SLC25A13: variants seen among roughly 807,000 people sequenced by gnomAD.
The protein encoded by SLC25A13 is solute carrier family 25 member 13.
Under a neutral mutation model 85.5 loss-of-function variants are expected in SLC25A13, and 70 were observed. That is an observed-to-expected ratio of 0.82 (90% CI 0.68 to 1.00). The LOEUF (loss-of-function observed/expected upper bound fraction) is 1.00, where lower values mean the gene tolerates loss of function less well. SLC25A13 is among the 50% of genes least tolerant of loss of function. The pLI is 0.00. For synonymous variants in SLC25A13, 259 were observed against 288.7 expected (o/e 0.90, Z 1.04); for missense variants, 765 against 819.8 (o/e 0.93, Z 0.82).
chr7:96,226,458 T>C (rs1445367579), intron 4 of SLC25A13, among the ~76,000 whole-genome samples: 3 of 152,160 alleles, frequency 2.0e-5, no homozygotes, highest in Non-Finnish European at 4.4e-5. Context: ...GCGATGAACA[T>C]GAGAGTTCTG....
intron 2 of SLC25A13, among the ~76,000 whole-genome samples, chr7:96,289,147 G>A (rs1040689864): frequency 2.6e-5 from 4 of 152,188 alleles, no homozygotes; most frequent in Non-Finnish European, 5.9e-5. Context: ...AGGCAAACAG[G>A]GTCTGGTGTG....
intron 5 of SLC25A13, among the ~76,000 whole-genome samples, chr7:96,207,848 C>A (rs940116795): frequency 1.3e-5 from 2 of 152,022 alleles, no homozygotes; most frequent in Non-Finnish European, 2.9e-5. Flanking sequence ...GGAAAGTGCA[C>A]CCCAGAAATG....
intron 1 of SLC25A13, chr7:96,307,018 T>G: frequency 1.3e-6 from 1 of 794,234 alleles, no homozygotes; most frequent in Non-Finnish European, 2.0e-6. Flanking sequence ...GGGTCCCTTT[T>G]GTACTTCCTT....
intron 3 of SLC25A13, among the ~76,000 whole-genome samples, chr7:96,272,948 C>T (rs537577539): frequency 6.6e-6 from 1 of 152,244 alleles, no homozygotes; most frequent in East Asian, 1.9e-4. Context: ...AGAAAATATC[C>T]ATGTGATCTT....
chr7:96,304,004 T>C (rs143784053), intron 1 of SLC25A13, among the ~76,000 whole-genome samples: 16 of 152,222 alleles, frequency 1.1e-4, no homozygotes, highest in African/African-American at 3.4e-4. Flanking sequence ...CAATCAGTAA[T>C]TGCAAAAGAA....
At chr7:96,178,177 G>A (rs904657166) in intron 11 of SLC25A13, among the ~76,000 whole-genome samples, 15 of 152,212 alleles carry the variant, frequency 9.9e-5, no homozygotes, top group African/African-American at 3.6e-4. Context: ...GAACCAGTGA[G>A]AGCAGGAATA....
chr7:96,129,522 T>C (rs969848539), intron 15 of SLC25A13, among the ~76,000 whole-genome samples: 2 of 152,160 alleles, frequency 1.3e-5, no homozygotes, highest in Non-Finnish European at 2.9e-5. Context: ...TATTTAAAAT[T>C]TTTTGGAAAA....
intron 1 of SLC25A13, among the ~76,000 whole-genome samples, chr7:96,304,323 C>T (rs1799660595): frequency 1.3e-5 from 2 of 152,194 alleles, no homozygotes; most frequent in Admixed American, 1.3e-4. Context: ...TGTTAACCCA[C>T]TGGGTAATTA....
At chr7:96,318,190 T>C (rs993985285) in intron 1 of SLC25A13, among the ~76,000 whole-genome samples, 1 of 152,206 alleles carries the variant, frequency 6.6e-6, no homozygotes, top group African/African-American at 2.4e-5. Flanking sequence ...GTGTTCAGTT[T>C]TACCCCAGAA....
chr7:96,233,189 A>T (rs947120973), intron 4 of SLC25A13, among the ~76,000 whole-genome samples: 5 of 152,210 alleles, frequency 3.3e-5, no homozygotes, highest in African/African-American at 1.2e-4. Context: ...GGAGGACAAG[A>T]CAGAACACAC....
At chr7:96,148,157 T>C (rs1459486900) in intron 13 of SLC25A13, among the ~76,000 whole-genome samples, 1 of 152,236 alleles carries the variant, frequency 6.6e-6, no homozygotes, top group Non-Finnish European at 1.5e-5. Context: ...GCAAATGAAT[T>C]TTTTGTTTGG....
chr7:96,304,674 C>T (rs980581007), intron 1 of SLC25A13, among the ~76,000 whole-genome samples: 1 of 152,200 alleles, frequency 6.6e-6, no homozygotes, highest in Non-Finnish European at 1.5e-5. Context: ...AAGAAATCCT[C>T]TTGGGGGCCA....
At chr7:96,208,638 T>G (rs1584457739) in intron 5 of SLC25A13, among the ~76,000 whole-genome samples, 200 bp downstream of exon 5, 1 of 151,958 alleles carries the variant, frequency 6.6e-6, no homozygotes, top group South Asian at 2.1e-4. Flanking sequence ...CCCAAGTAGC[T>G]GGGACCACAG....
At chr7:96,149,122 T>C (rs933986050) in intron 13 of SLC25A13, among the ~76,000 whole-genome samples, 7 of 152,220 alleles carry the variant, frequency 4.6e-5, no homozygotes, top group Non-Finnish European at 8.8e-5. Context: ...CCATGTGCAG[T>C]GAGGCTGAGA....
intron 14 of SLC25A13, among the ~76,000 whole-genome samples, chr7:96,134,813 A>ATAT (rs1554337551): frequency 7.0e-6 from 1 of 143,032 alleles, no homozygotes; most frequent in African/African-American, 2.7e-5. Context: ...ATATATATAT[A>ATAT]ACCCTGAGGA....
At chr7:96,163,981 C>A (rs895937063) in intron 13 of SLC25A13, among the ~76,000 whole-genome samples, 1 of 152,124 alleles carries the variant, frequency 6.6e-6, no homozygotes, top group South Asian at 2.1e-4. Flanking sequence ...TGATTTAATT[C>A]TTTCATACAT....
intron 4 of SLC25A13, among the ~76,000 whole-genome samples, chr7:96,215,723 A>C (rs1479992176): frequency 1.3e-5 from 2 of 152,174 alleles, no homozygotes; most frequent in Non-Finnish European, 2.9e-5. Flanking sequence ...AAAATTTTAG[A>C]AAAAAATATA....
chr7:96,248,259 T>C (rs1797279112), intron 3 of SLC25A13, among the ~76,000 whole-genome samples: 1 of 152,090 alleles, frequency 6.6e-6, no homozygotes, highest in South Asian at 2.1e-4. Context: ...AGAAAATGAA[T>C]CATCAAATGG....
At chr7:96,245,149 A>G (rs555017684) in intron 3 of SLC25A13, among the ~76,000 whole-genome samples, 26 of 152,280 alleles carry the variant, frequency 1.7e-4, no homozygotes, top group Admixed American at 1.7e-3. Flanking sequence ...TCTCTTTCTT[A>G]TAAGATGGAT....
Sources: gnomAD v4.1 joint callset for allele counts (sites outside exome capture counted in the v4.1 genomes callset) on GRCh38, gnomAD v4.1.1 for gene constraint, MANE v1.5 for transcripts, NCBI Gene and HGNC (gene_info 2026-07-23, HGNC 2026-07-21) for gene names.